CALB2: variants seen among roughly 807,000 people sequenced by gnomAD.
CALB2 encodes calretinin.
CALB2 carries 34 observed loss-of-function variants against 45.9 expected under a neutral mutation model. The ratio of observed to expected loss-of-function variants is 0.74; its 90% confidence interval spans 0.56 to 0.99. The LOEUF (loss-of-function observed/expected upper bound fraction) is 0.99, where lower values mean the gene tolerates loss of function less well. Among genes scored for constraint, CALB2 ranks in the 50% least tolerant of loss-of-function variants. The pLI, the probability that CALB2 is intolerant of heterozygous loss-of-function variation, is 0.00. For synonymous variants in CALB2, 142 were observed against 129.6 expected (o/e 1.10, Z -0.65); for missense variants, 344 against 339.3 (o/e 1.01, Z -0.11).
At chr16:71,383,578 A>C (rs981037378) in intron 6 of CALB2, 134 bp downstream of exon 6, 14 of 772,542 alleles carry the variant, frequency 1.8e-5, no homozygotes, top group Non-Finnish European at 2.8e-5. Flanking sequence ...GGCAGCTGGC[A>C]AAAAGGGATG....
intron 10 of CALB2, among the ~76,000 whole-genome samples, chr16:71,386,523 C>T (rs1399667934): frequency 1.3e-5 from 2 of 152,302 alleles, no homozygotes; most frequent in East Asian, 3.9e-4. Context: ...ATTATTTTGC[C>T]TGATGTTGCC....
At chr16:71,382,899 C>A in intron 5 of CALB2, 124 bp downstream of exon 5, 1 of 816,730 alleles carries the variant, frequency 1.2e-6, no homozygotes, top group South Asian at 1.8e-5. Context: ...TCAGACCTGG[C>A]ACTGAATTGT....
intron 2 of CALB2, among the ~76,000 whole-genome samples, chr16:71,373,187 G>A (rs2042372551): frequency 6.6e-6 from 1 of 152,120 alleles, no homozygotes; most frequent in East Asian, 1.9e-4. Flanking sequence ...AGCTCCCTCG[G>A]GTCCTCTGGA....
intron 2 of CALB2, 126 bp from the exon 3 acceptor site, chr16:71,374,619 G>C: frequency 1.6e-6 from 1 of 643,176 alleles, no homozygotes; most frequent in Non-Finnish European, 2.9e-6. Flanking sequence ...ATCAATCAGA[G>C]CATCAGCACA....
At chr16:71,369,153 A>C (rs1160316161) in intron 1 of CALB2, among the ~76,000 whole-genome samples, 1 of 152,196 alleles carries the variant, frequency 6.6e-6, no homozygotes, top group Non-Finnish European at 1.5e-5. Flanking sequence ...AAGCACAAAC[A>C]GCAGCCATAA....
At chr16:71,362,775 G>A (rs2042247676) in intron 1 of CALB2, among the ~76,000 whole-genome samples, 1 of 152,216 alleles carries the variant, frequency 6.6e-6, no homozygotes, top group Non-Finnish European at 1.5e-5. Context: ...TCTGAAGAGT[G>A]GATGAGCCAA....
chr16:71,362,626 T>G (rs182344783), intron 1 of CALB2, among the ~76,000 whole-genome samples: 1 of 152,200 alleles, frequency 6.6e-6, no homozygotes, highest in African/African-American at 2.4e-5. Context: ...TGTAGTGACA[T>G]GGAAAAATGT....
In CALB2 at chr16:71,358,833, C is replaced by A. The variant is rs2042209323; in HGVS notation, c.41C>A (p.Ala14Asp). The A allele has an allele frequency of 6.8e-6, 11 of 1,612,482 alleles. No homozygotes were observed. The highest frequency in any genetic ancestry group is 9.3e-6 in the Non-Finnish European group (11 of 1,179,730). Residue 14 changes from alanine to aspartate, a missense_variant, in exon 1 of 11, where the codon GCC becomes GAC. Physicochemically the swap from Ala to Asp is moderately radical, Grantham distance 126. Transcript: ENST00000302628. ...CAGCAGCCCCCTTACCTGCACCTGGCCGAGCTGACGGCGTCCCAGTTCCTG... is the reference window on the plus strand; with the variant it reads ...CAGCAGCCCCCTTACCTGCACCTGGACGAGCTGACGGCGTCCCAGTTCCTG... ...PQQQPPYLHL[A>D]ELTASQFLEI...
chr16:71,385,610 G>C lies in CALB2; in HGVS notation c.661G>C (p.Asp221His). 1 of 1,614,056 alleles carries C rather than the reference G, an allele frequency of 6.2e-7. No individual in the cohort carries two copies. Among genetic ancestry groups the C allele is most frequent in the Non-Finnish European group, 8.5e-7 (1 of 1,180,022 alleles). ...CGGCTACATTGACGAGCATGAGCTG[G>C]ATGCCCTTTTGAAGGATCTGTACGA... ...RSGYIDEHEL[D>H]ALLKDLYEKN... Residue 221 changes from aspartate (D) to histidine (H), a missense_variant, in exon 10 of 11, where the codon GAT becomes CAT. Coordinates refer to ENST00000302628, the MANE Select transcript of CALB2 (RefSeq NM_001740.5).
At chr16:71,380,160 G>A (rs59788423) in intron 4 of CALB2, among the ~76,000 whole-genome samples, 27 of 151,912 alleles carry the variant, frequency 1.8e-4, no homozygotes, top group Admixed American at 3.9e-4. Context: ...TTGTAGGGGG[G>A]GCAGGGATGC....
chr16:71,380,394 C>T (rs552037125), intron 4 of CALB2, among the ~76,000 whole-genome samples: 8 of 144,832 alleles, frequency 5.5e-5, no homozygotes, highest in South Asian at 2.3e-4. Flanking sequence ...CTACAACCTC[C>T]GCCTCCCGGG....
At chr16:71,379,671 T>C (rs1032027971) in intron 4 of CALB2, among the ~76,000 whole-genome samples, 1 of 152,186 alleles carries the variant, frequency 6.6e-6, no homozygotes, top group African/African-American at 2.4e-5. Flanking sequence ...CTGCCATTCA[T>C]TGGGGTTAAA....
chr16:71,371,464 T>C (rs2042349856), intron 1 of CALB2, among the ~76,000 whole-genome samples: 1 of 152,172 alleles, frequency 6.6e-6, no homozygotes, highest in Non-Finnish European at 1.5e-5. Flanking sequence ...GTGAAATAAA[T>C]GTGTCGGCAG....
intron 1 of CALB2, among the ~76,000 whole-genome samples, chr16:71,359,276 T>G (rs2042214484): frequency 6.6e-6 from 1 of 152,266 alleles, no homozygotes; most frequent in East Asian, 1.9e-4. Flanking sequence ...CTTCCCCTTT[T>G]GTTGAATGCT....
chr16:71,379,271 T>A (rs2042456105), intron 4 of CALB2, among the ~76,000 whole-genome samples: 2 of 145,494 alleles, frequency 1.4e-5, no homozygotes, highest in Non-Finnish European at 3.0e-5. Context: ...AGACTCTGTC[T>A]AATAAATAAA....
chr16:71,364,326 T>C (rs2042261613), intron 1 of CALB2, among the ~76,000 whole-genome samples: 1 of 151,972 alleles, frequency 6.6e-6, no homozygotes, highest in Non-Finnish European at 1.5e-5. Context: ...GCTCAGCTTG[T>C]ATATTCCCCT....
intron 1 of CALB2, 131 bp from the exon 2 acceptor site, chr16:71,372,022 C>A: frequency 1.4e-6 from 1 of 692,236 alleles, no homozygotes; most frequent in Non-Finnish European, 2.5e-6. Context: ...ACACCCCTAG[C>A]TCCACTGGCC....
intron 3 of CALB2, among the ~76,000 whole-genome samples, chr16:71,375,546 A>G (rs899822427): frequency 6.6e-6 from 1 of 152,144 alleles, no homozygotes; most frequent in Admixed American, 6.5e-5. Context: ...TTTACAAACC[A>G]TATAAATAAA....
intron 3 of CALB2, 60 bp from the exon 4 acceptor site, chr16:71,377,607 C>G: frequency 8.2e-7 from 1 of 1,216,880 alleles, no homozygotes; most frequent in Non-Finnish European, 1.2e-6. Context: ...AGGGGAAAAT[C>G]TGCTCTGCTC....
Sources: gnomAD v4.1 joint callset for allele counts (sites outside exome capture counted in the v4.1 genomes callset) on GRCh38, gnomAD v4.1.1 for gene constraint, MANE v1.5 for transcripts, NCBI Gene and HGNC (gene_info 2026-07-23, HGNC 2026-07-21) for gene names.